The following DCHS2 variants were observed in gnomAD, a reference collection of about 807,000 sequenced individuals.
DCHS2 encodes protocadherin-23.
In DCHS2, 142 loss-of-function variants were observed where a neutral mutation model predicts 182.4. The observed-to-expected ratio is 0.78, with a 90% CI of 0.68 to 0.89. The LOEUF is 0.89. Among genes scored for constraint, DCHS2 ranks in the 40% least tolerant of loss-of-function variants. The pLI is 0.00. For missense variants in DCHS2, 4,319 were observed against 4,198.6 expected, an observed-to-expected ratio of 1.03 and a Z score of -0.79; for synonymous variants, 1,740 against 1,663.3, an observed-to-expected ratio of 1.05 and a Z score of -1.12.
At chr4:154,414,445 TATAATATAAAGTGAAGACAAAAA>T (rs1422938581) in intron 1 of DCHS2, among the ~76,000 whole-genome samples, 3 of 148,080 alleles carry the variant, frequency 2.0e-5, no homozygotes, top group Non-Finnish European at 3.0e-5. Context: ...TCCCAGAGAG[TATAATATAAAGTGAAGACAAAAA>T]ATATCTCCAT....
chr4:154,456,350 G>T (rs1209021554), intron 1 of DCHS2, among the ~76,000 whole-genome samples: 4 of 152,158 alleles, frequency 2.6e-5, no homozygotes, highest in African/African-American at 7.2e-5. Flanking sequence ...CATCAACAGT[G>T]CAGTAGCTGC....
chr4:154,235,054 C>T lies in DCHS2; in HGVS notation c.9598G>A (p.Val3200Ile), dbSNP rs755288484. The T allele has an allele frequency of 6.8e-6, 11 of 1,613,886 alleles. No homozygotes were observed. The highest frequency in any genetic ancestry group is 2.7e-5 in the African/African-American group (2 of 74,932). ...REAKESILADVRKESVFISGD... is the reference protein window; with the variant it reads ...REAKESILADIRKESVFISGD... ...GAAATAAAGACAGACTCTTTTCTAA[C>T]GTCAGCCAGGATGCTCTCTTTTGCC... is the stretch of plus-strand genomic sequence containing the variant. The change falls in exon 20 of 20, where the codon GTT becomes ATT. Residue 3200 changes from valine to isoleucine, a missense_variant. By Grantham distance (29) the Val-to-Ile change is conservative. Transcript: ENST00000357232.
intron 1 of DCHS2, among the ~76,000 whole-genome samples, chr4:154,460,858 T>C (rs1345827821): frequency 1.3e-5 from 2 of 152,152 alleles, no homozygotes; most frequent in Non-Finnish European, 2.9e-5. Context: ...AAAACAATAA[T>C]AATTAAAAAA....
rs1202048244 is a variant in DCHS2, at chr4:154,239,143, G to C, written c.7492+27C>G. 3 of 1,602,830 alleles carry C rather than the reference G, an allele frequency of 1.9e-6. No homozygotes were observed. The African/African-American group carries it at 4.0e-5, about 22-fold the overall frequency. ...TCTACTTTGAAACCCAAACCTATGA[G>C]CATTAATGCAATTATAAATAACTCA... is the stretch of plus-strand genomic sequence containing the variant. On this transcript the variant is annotated intron_variant, in intron 19 of 19. Coordinates refer to ENST00000357232, the MANE Select transcript of DCHS2 (RefSeq NM_001358235.2).
intron 1 of DCHS2, among the ~76,000 whole-genome samples, chr4:154,452,658 A>C (rs866206555): frequency 1.9e-4 from 29 of 151,994 alleles, no homozygotes; most frequent in Middle Eastern, 3.5e-3. Context: ...ACAAAAAAAA[A>C]CTGTTAAAGG....
rs115128531 is a variant in DCHS2, at chr4:154,436,511, G to A, written c.2052+52793C>T. On this transcript the variant is annotated intron_variant, in intron 1 of 19. Coordinates refer to ENST00000357232, the MANE Select transcript of DCHS2 (RefSeq NM_001358235.2). ...ATACCTCGTGATACTCTCAATATCA[G>A]AAAATGTGTCACCTATATTTCAACC... Among the ~76,000 whole-genome samples the A allele has an allele frequency of 4.7e-3, 719 of 152,198 alleles. 4 individuals are homozygous for A. The highest frequency in any genetic ancestry group is 0.021 in the Middle Eastern group (6 of 292).
intron 13 of DCHS2, among the ~76,000 whole-genome samples, chr4:154,274,732 G>A (rs1733755663): frequency 6.6e-6 from 1 of 152,018 alleles, no homozygotes; most frequent in Non-Finnish European, 1.5e-5. Flanking sequence ...AGAGGAGAAA[G>A]GACACTGACA....
intron 13 of DCHS2, among the ~76,000 whole-genome samples, chr4:154,291,048 G>C (rs1734635594): frequency 6.6e-6 from 1 of 152,092 alleles, no homozygotes; most frequent in Non-Finnish European, 1.5e-5. Context: ...TCTGACAAGG[G>C]ATTCATAACC....
intron 7 of DCHS2, among the ~76,000 whole-genome samples, chr4:154,325,316 CGTGTGTGTGTGTGTGTGTGTGT>C (rs75589397): frequency 7.0e-6 from 1 of 142,660 alleles, no homozygotes; most frequent in South Asian, 2.3e-4. Flanking sequence ...GGATTATAGC[CGTGTGTGTGTGTGTGTGTGTGT>C]GTGTGTGTGT....
chr4:154,484,789 A>G (rs4696591), intron 1 of DCHS2, among the ~76,000 whole-genome samples: 138,606 of 152,284 alleles, frequency 0.91, 64,447 homozygotes, highest in East Asian at 1. Flanking sequence ...AGTTGTTACT[A>G]AAATCGATTT....
rs776559599 is a variant in DCHS2, at chr4:154,236,840, G to T, written c.7812C>A (p.Phe2604Leu). The T allele has an allele frequency of 6.3e-5, 102 of 1,613,930 alleles. 2 individuals carry two copies. The East Asian group carries it at 2.3e-3, about 36-fold the overall frequency. The part of the protein sequence containing the change: ...SQNNFHVETK[F>L]FHSEYPYKQV... ...GCTTATAAGGATATTCTGAATGAAA[G>T]AACTTAGTTTCCACATGAAAATTGT... is the stretch of plus-strand genomic sequence containing the variant. The change falls in exon 20 of 20, where the codon TTC (phenylalanine) becomes TTA (leucine). Residue 2604 changes from phenylalanine to leucine, a missense_variant. Coordinates refer to ENST00000357232, the MANE Select transcript of DCHS2 (RefSeq NM_001358235.2).
intron 3 of DCHS2, among the ~76,000 whole-genome samples, chr4:154,347,312 A>G (rs1313268345): frequency 1.3e-5 from 2 of 149,964 alleles, no homozygotes; most frequent in East Asian, 3.9e-4. Context: ...CAAGAAATCT[A>G]TTATTTAGGG....
chr4:154,258,459 C>A (rs1308508609), intron 15 of DCHS2, among the ~76,000 whole-genome samples: 1 of 133,950 alleles, frequency 7.5e-6, no homozygotes, highest in Non-Finnish European at 1.5e-5. Context: ...CTCACTGTAA[C>A]CTCTGCCTTC....
intron 16 of DCHS2, among the ~76,000 whole-genome samples, chr4:154,250,125 G>A (rs546350956): frequency 1.3e-5 from 2 of 152,202 alleles, no homozygotes; most frequent in Admixed American, 6.5e-5. Flanking sequence ...TTTTGGATGG[G>A]GGAGTGGGAG....
chr4:154,483,725 A>G (rs1736008652), intron 1 of DCHS2, among the ~76,000 whole-genome samples: 1 of 152,212 alleles, frequency 6.6e-6, no homozygotes, highest in Admixed American at 6.5e-5. Flanking sequence ...TAAGATGCCA[A>G]CCATCTCTCT....
At chr4:154,469,583 T>C (rs1289394895) in intron 1 of DCHS2, among the ~76,000 whole-genome samples, 2 of 152,196 alleles carry the variant, frequency 1.3e-5, no homozygotes, top group African/African-American at 4.8e-5. Context: ...CCAATTTGAT[T>C]GGAACAAATC....
chr4:154,239,110 T>G lies in DCHS2; in HGVS notation c.7492+60A>C, dbSNP rs965420011. Reference sequence around the variant, plus strand: ...TATAGAGGCATTTAGAAAGGGTTATTTCAGGTTTCTACTTTGAAACCCAAA... The same window carrying G: ...TATAGAGGCATTTAGAAAGGGTTATGTCAGGTTTCTACTTTGAAACCCAAA... On this transcript the variant is annotated intron_variant, in intron 19 of 19. Coordinates refer to ENST00000357232, the MANE Select transcript of DCHS2 (RefSeq NM_001358235.2). 7 of 1,564,440 alleles carry G rather than the reference T, an allele frequency of 4.5e-6. No individual in the cohort carries two copies. In the African/African-American group the frequency reaches 8.3e-5, roughly 18 times the overall value.
chr4:154,283,071 T>A (rs1235746888), intron 13 of DCHS2, among the ~76,000 whole-genome samples: 2 of 152,114 alleles, frequency 1.3e-5, no homozygotes, highest in African/African-American at 4.8e-5. Flanking sequence ...TTTTACAAAA[T>A]GAAAAATATC....
chr4:154,425,979 T>C (rs1473469989), intron 1 of DCHS2, among the ~76,000 whole-genome samples: 1 of 152,246 alleles, frequency 6.6e-6, no homozygotes, highest in African/African-American at 2.4e-5. Context: ...CCAGGCTACA[T>C]GGATCCCTGG....
Sources: gnomAD v4.1 joint callset for allele counts (sites outside exome capture counted in the v4.1 genomes callset) on GRCh38, gnomAD v4.1.1 for gene constraint, MANE v1.5 for transcripts, NCBI Gene and HGNC (gene_info 2026-07-23, HGNC 2026-07-21) for gene names.